The following NAF1 variants were observed in gnomAD, a reference collection of about 807,000 sequenced individuals.
The protein encoded by NAF1 is H/ACA ribonucleoprotein complex non-core subunit NAF1.
Under a neutral mutation model 40.6 loss-of-function variants are expected in NAF1, and 11 were observed. The observed-to-expected ratio is 0.27, with a 90% CI of 0.17 to 0.45. The LOEUF is 0.45. NAF1 is among the 20% of genes least tolerant of loss of function. NAF1 has a pLI of 1.00. For synonymous variants in NAF1, 260 were observed against 228.5 expected (o/e 1.14, Z -1.24); for missense variants, 607 against 611.1 (o/e 0.99, Z 0.07).
At chr4:163,157,153 C>CACTA (rs1732019835) in intron 2 of NAF1, 2 of 152,086 alleles carry the variant, frequency 1.3e-5, no homozygotes, top group Non-Finnish European at 2.9e-5. Context: ...ATTTCCCACA[C>CACTA]ACTACACAGT....
At chr4:163,126,494 G>A (rs1461005138), downstream of NAF1, among the ~76,000 whole-genome samples, 1 of 152,158 alleles carries the variant, frequency 6.6e-6, no homozygotes, top group Non-Finnish European at 1.5e-5. Context: ...CTGAATTGCT[G>A]CAATCTCACG....
chr4:163,141,981 T>C (rs1210565079), intron 4 of NAF1: 1 of 939,648 alleles, frequency 1.1e-6, no homozygotes, highest in Admixed American at 6.2e-5. Context: ...AAAGAAGTAG[T>C]GACATTAAAA....
intron 6 of NAF1, 166 bp from the exon 7 acceptor site, chr4:163,133,422 A>C: frequency 5.5e-6 from 3 of 547,722 alleles, no homozygotes; most frequent in Non-Finnish European, 9.6e-6. Flanking sequence ...ATGGTATAAA[A>C]ATAAAGCATT....
At chr4:163,109,614 A>G (rs1730107013), downstream of NAF1, among the ~76,000 whole-genome samples, 2 of 152,216 alleles carry the variant, frequency 1.3e-5, no homozygotes, top group Admixed American at 6.5e-5. Flanking sequence ...CACATACAGA[A>G]AGAACACAAG....
chr4:163,118,020 A>G (rs1730403222), intron 2 of NAF1, among the ~76,000 whole-genome samples: 1 of 152,200 alleles, frequency 6.6e-6, no homozygotes, highest in African/African-American at 2.4e-5. Flanking sequence ...AAGAGAATTC[A>G]TGTTCCATTT....
At chr4:163,164,129 G>A (rs2075261862) in intron 2 of NAF1, 88 bp downstream of exon 2, 1 of 1,344,486 alleles carries the variant, frequency 7.4e-7, no homozygotes, top group African/African-American at 1.5e-5. Flanking sequence ...CAAATTTATG[G>A]AGCAGATATA....
At chr4:163,123,838 A>G (rs1345541963), downstream of NAF1, among the ~76,000 whole-genome samples, 1 of 152,264 alleles carries the variant, frequency 6.6e-6, no homozygotes, top group Admixed American at 6.5e-5. Flanking sequence ...TAATATAAAG[A>G]ATTCTCCATA....
intron 2 of NAF1, among the ~76,000 whole-genome samples, chr4:163,155,510 C>G (rs554311556): frequency 1.3e-5 from 2 of 152,186 alleles, no homozygotes; most frequent in African/African-American, 4.8e-5. Context: ...ATATAGAATC[C>G]TCAAAGAATG....
At chr4:163,127,731 A>G (rs919643981), downstream of NAF1, among the ~76,000 whole-genome samples, 2 of 152,216 alleles carry the variant, frequency 1.3e-5, no homozygotes, top group South Asian at 2.1e-4. Context: ...GAATGCTGCA[A>G]AGAGTCCCCT....
At chr4:163,113,375 T>G (rs1159566196) in intron 2 of NAF1, among the ~76,000 whole-genome samples, 3 of 151,880 alleles carry the variant, frequency 2.0e-5, no homozygotes, top group South Asian at 2.1e-4. Flanking sequence ...ATCCCTTGTT[T>G]TTATTTTTTT....
downstream of NAF1, among the ~76,000 whole-genome samples, chr4:163,106,913 T>C (rs570518629): frequency 1.3e-5 from 2 of 152,290 alleles, no homozygotes; most frequent in South Asian, 2.1e-4. Flanking sequence ...TCTTTTCTCA[T>C]ATTTTCAAAG....
chr4:163,105,836 T>C (rs1034590487), downstream of NAF1, among the ~76,000 whole-genome samples: 16 of 152,214 alleles, frequency 1.1e-4, no homozygotes, highest in Non-Finnish European at 1.8e-4. Context: ...TGTTCAATAA[T>C]TGTCTGCTAG....
intron 4 of NAF1, among the ~76,000 whole-genome samples, chr4:163,142,278 C>A (rs1011497068): frequency 1.3e-5 from 2 of 152,170 alleles, no homozygotes; most frequent in African/African-American, 2.4e-5. Context: ...TATACACAAA[C>A]CCAATTCTTC....
chr4:163,104,818 G>A, the NAF1 span, among the ~76,000 whole-genome samples: 1 of 152,152 alleles, frequency 6.6e-6, no homozygotes, highest in Admixed American at 6.5e-5. Flanking sequence ...TGTGAAATTC[G>A]TGGTGATTTT....
At chr4:163,148,486 T>TA in intron 2 of NAF1, 52 bp from the exon 3 acceptor site, 30 of 1,256,660 alleles carry the variant, frequency 2.4e-5, no homozygotes, top group South Asian at 8.4e-5. Context: ...TTCAACAACT[T>TA]AAAAAAAATA....
chr4:163,104,817 C>T, the NAF1 span, among the ~76,000 whole-genome samples: 2 of 152,116 alleles, frequency 1.3e-5, no homozygotes, highest in African/African-American at 4.8e-5. Context: ...TTGTGAAATT[C>T]GTGGTGATTT....
downstream of NAF1, among the ~76,000 whole-genome samples, chr4:163,127,571 T>C (rs11100481): frequency 0.26 from 39,941 of 152,134 alleles, 5,656 homozygotes; most frequent in African/African-American, 0.37. Context: ...ACTCTTACAA[T>C]ATTCTAACAA....
rs1360916968 is a variant in NAF1, at chr4:163,166,693, T to G, written c.35A>C (p.Glu12Ala). ...EVVEAAAAQL[E>A]TLKFNGTDFG... The stretch of plus-strand genomic sequence containing the variant: ...GTCGGTGCCATTGAATTTCAGAGTT[T>G]CCAGCTGAGCGGCGGCGGCCTCCAC... The change falls in exon 1 of 8, where the codon GAA (glutamate) becomes GCA (alanine). Residue 12 changes from glutamate to alanine, a missense_variant. Glu to Ala is a moderately radical substitution (Grantham distance 107, BLOSUM62 -1). Transcript: ENST00000274054. 1.9e-6 allele frequency: 3 copies of G among 1,613,758 alleles called. No individual in the cohort carries two copies. Among genetic ancestry groups the G allele is most frequent in the Non-Finnish European group, 2.5e-6 (3 of 1,180,006 alleles).
downstream of NAF1, among the ~76,000 whole-genome samples, chr4:163,106,451 G>C (rs1318970403): frequency 1.3e-5 from 2 of 152,134 alleles, no homozygotes; most frequent in African/African-American, 2.4e-5. Flanking sequence ...TTTCATATTA[G>C]AAAGTGCCTA....
Sources: allele counts gnomAD v4.1 joint callset (sites outside exome capture counted in the v4.1 genomes callset), GRCh38; gene constraint gnomAD v4.1.1; transcripts MANE v1.5; gene names NCBI Gene and HGNC (gene_info 2026-07-23, HGNC 2026-07-21).